EBF1: variants seen among roughly 807,000 people sequenced by gnomAD.
EBF1 encodes the protein EBF transcription factor 1, also known as transcription factor COE1.
EBF1 carries 10 observed loss-of-function variants against 68.4 expected under a neutral mutation model. The observed-to-expected ratio is 0.15, with a 90% CI of 0.09 to 0.25. EBF1 has a LOEUF of 0.25. Ranked by LOEUF, EBF1 falls within the 10% of genes least tolerant of loss-of-function variation. The probability of loss-of-function intolerance (pLI) is 1.00; values close to 1 mark genes in which losing one functional copy is unlikely to be tolerated. For synonymous variants in EBF1, 298 were observed against 299.8 expected, an observed-to-expected ratio of 0.99 and a Z score of 0.06; for missense variants, 509 against 794.4, an observed-to-expected ratio of 0.64 and a Z score of 4.32.
chr5:158,854,102 C>T lies in EBF1; in HGVS notation c.555-13992G>A, dbSNP rs527907244. On this transcript the variant is annotated intron_variant, in intron 6 of 15. Coordinates refer to ENST00000313708, the MANE Select transcript of EBF1 (RefSeq NM_024007.5). ...ATTGTTAAGTGTGAAATTTGCCAAT[C>T]TTCCAAACCACAGAAGGGCCAGACA... Among the ~76,000 whole-genome samples, 368 of 152,350 alleles carry T rather than the reference C, an allele frequency of 2.4e-3. 2 individuals carry two copies. The highest frequency in any genetic ancestry group is 8.4e-3 in the African/African-American group (351 of 41,588).
intron 1 of EBF1, chr5:159,097,346 C>T (rs192683301): frequency 6.3e-5 from 36 of 570,418 alleles, no homozygotes; most frequent in Non-Finnish European, 9.8e-5. Flanking sequence ...AGGACGGGTG[C>T]GTCCTCAGAA....
intron 6 of EBF1, among the ~76,000 whole-genome samples, chr5:159,030,890 T>C (rs1342736521): frequency 6.6e-6 from 1 of 152,086 alleles, no homozygotes; most frequent in Non-Finnish European, 1.5e-5. Context: ...ATGAAAACAG[T>C]AGCCGGGCAT....
At chr5:158,722,664 TC>T (rs1293040837) in intron 11 of EBF1, among the ~76,000 whole-genome samples, 1 of 152,224 alleles carries the variant, frequency 6.6e-6, no homozygotes, top group Non-Finnish European at 1.5e-5. Flanking sequence ...ATCATATGTA[TC>T]TCCAGACAAA....
intron 13 of EBF1, 38 bp downstream of exon 13, chr5:158,712,932 T>G (rs777236142): frequency 1.7e-5 from 24 of 1,398,608 alleles, no homozygotes; most frequent in Non-Finnish European, 2.2e-5. Flanking sequence ...GATGGGGTGC[T>G]TAAGGTTGGG....
intron 6 of EBF1, among the ~76,000 whole-genome samples, chr5:158,872,325 T>C (rs1797024763): frequency 6.6e-6 from 1 of 152,116 alleles, no homozygotes; most frequent in South Asian, 2.1e-4. Context: ...GACTCCCAAG[T>C]AGCTGGAACT....
intron 5 of EBF1, among the ~76,000 whole-genome samples, chr5:159,075,716 A>C (rs1329145669): frequency 6.6e-6 from 1 of 152,188 alleles, no homozygotes; most frequent in Admixed American, 6.5e-5. Flanking sequence ...TCACTGCCCA[A>C]GACTTTTTAA....
At chr5:158,990,958 C>T (rs985824561) in intron 6 of EBF1, among the ~76,000 whole-genome samples, 2 of 152,138 alleles carry the variant, frequency 1.3e-5, no homozygotes, top group East Asian at 1.9e-4. Context: ...ATAAGAACTA[C>T]ACTAATGGAT....
Position 158,839,957 on chromosome 5 carries a change from GC to G in EBF1, c.636+71del, listed in dbSNP as rs576921166. The G allele has an allele frequency of 6.2e-4, 916 of 1,472,520 alleles. 12 individuals carry two copies. The South Asian group carries it at 0.01, about 16-fold the overall frequency. 91.2% of individuals were successfully genotyped at this position (1,472,520 alleles called of 1,614,324 possible). A position where few individuals can be genotyped will look rare whatever the true frequency, so the allele number is the denominator to read the frequency against. ...TGGGAAAAAAAGCTACGTATCTTCTGCCTAAGACTTTTTTATCCTCTCCTGA... is the reference window on the plus strand; with the variant it reads ...TGGGAAAAAAAGCTACGTATCTTCTGCTAAGACTTTTTTATCCTCTCCTGA... On this transcript the variant is annotated intron_variant, in intron 7 of 15. Coordinates refer to ENST00000313708, the MANE Select transcript of EBF1 (RefSeq NM_024007.5).
chr5:158,826,016 T>C (rs1183752522), intron 7 of EBF1, among the ~76,000 whole-genome samples: 5 of 151,844 alleles, frequency 3.3e-5, no homozygotes, highest in Non-Finnish European at 7.4e-5. Flanking sequence ...CCTTTACAGT[T>C]TACCACATAA....
intron 10 of EBF1, among the ~76,000 whole-genome samples, chr5:158,759,801 C>G (rs1394885263): frequency 6.6e-6 from 1 of 152,080 alleles, no homozygotes; most frequent in Admixed American, 6.6e-5. Flanking sequence ...CACTGGAATA[C>G]AGGTGTCTTG....
At chr5:158,897,714 A>G (rs1802448566) in intron 6 of EBF1, among the ~76,000 whole-genome samples, 1 of 152,234 alleles carries the variant, frequency 6.6e-6, no homozygotes, top group Non-Finnish European at 1.5e-5. Flanking sequence ...CCACCATCCA[A>G]TGGCAAAAAG....
At chr5:159,076,309 T>G (rs188702202) in intron 5 of EBF1, among the ~76,000 whole-genome samples, 118 of 152,196 alleles carry the variant, frequency 7.8e-4, no homozygotes, top group Non-Finnish European at 4.6e-4. Context: ...TCCGGAAGAA[T>G]AAAAGGGTGA....
chr5:159,028,861 T>A (rs1021446135), intron 6 of EBF1, among the ~76,000 whole-genome samples: 1 of 152,188 alleles, frequency 6.6e-6, no homozygotes, highest in Non-Finnish European at 1.5e-5. Flanking sequence ...GAACAGCAAG[T>A]TCCCAAGGGA....
intron 9 of EBF1, among the ~76,000 whole-genome samples, chr5:158,794,771 G>A (rs968966228): frequency 6.6e-6 from 1 of 152,202 alleles, no homozygotes; most frequent in East Asian, 1.9e-4. Flanking sequence ...CATGAGGACT[G>A]CTGTCTCCAG....
intron 6 of EBF1, among the ~76,000 whole-genome samples, chr5:158,852,373 T>C (rs62385362): frequency 0.18 from 27,596 of 152,084 alleles, 2,692 homozygotes; most frequent in Non-Finnish European, 0.23. Flanking sequence ...AGCATCTTCA[T>C]GTGTTGCCTG....
chr5:158,872,901 G>C (rs1797125713), intron 6 of EBF1, among the ~76,000 whole-genome samples: 1 of 151,206 alleles, frequency 6.6e-6, no homozygotes, highest in African/African-American at 2.4e-5. Context: ...AAATCTCCCA[G>C]AGCACATTCC....
chr5:158,893,702 G>C (rs943201819), intron 6 of EBF1, among the ~76,000 whole-genome samples: 4 of 152,182 alleles, frequency 2.6e-5, no homozygotes, highest in Non-Finnish European at 4.4e-5. Context: ...AGGTGTTCAA[G>C]GGATGCTTCA....
intron 6 of EBF1, among the ~76,000 whole-genome samples, chr5:158,975,298 C>T (rs1756505326): frequency 6.6e-6 from 1 of 152,118 alleles, no homozygotes; most frequent in Admixed American, 6.5e-5. Flanking sequence ...GAATAAGACC[C>T]CTGAGTCCTA....
intron 6 of EBF1, among the ~76,000 whole-genome samples, chr5:158,862,554 G>A (rs1462191012): frequency 6.6e-6 from 1 of 152,110 alleles, no homozygotes; most frequent in Non-Finnish European, 1.5e-5. Flanking sequence ...TTGTCCCACT[G>A]TGCCTGCTAC....
Sources: allele counts gnomAD v4.1 joint callset (sites outside exome capture counted in the v4.1 genomes callset), GRCh38; gene constraint gnomAD v4.1.1; transcripts MANE v1.5; gene names NCBI Gene and HGNC (gene_info 2026-07-23, HGNC 2026-07-21).